Variants in FCRL5 observed in about 807,000 individuals in gnomAD.
FCRL5 encodes the protein Fc receptor-like protein 5.
FCRL5 carries 79 observed loss-of-function variants against 92.1 expected under a neutral mutation model. That is an observed-to-expected ratio of 0.86 (90% CI 0.72 to 1.03). The LOEUF (loss-of-function observed/expected upper bound fraction) is 1.03. Ranked by LOEUF, FCRL5 falls within the 50% of genes least tolerant of loss-of-function variation. The pLI is 0.00. For synonymous variants in FCRL5, 466 were observed against 469.3 expected, an observed-to-expected ratio of 0.99 and a Z score of 0.09; for missense variants, 1,160 against 1,181.1, an observed-to-expected ratio of 0.98 and a Z score of 0.26.
chr1:157,546,689 C>T (rs185472267), intron 3 of FCRL5, among the ~76,000 whole-genome samples: 1 of 152,284 alleles, frequency 6.6e-6, no homozygotes, highest in Non-Finnish European at 1.5e-5. Context: ...TCAAATCAAA[C>T]TTTAAGAACC....
chr1:157,520,503 C>T lies in FCRL5; in HGVS notation c.2560G>A (p.Gly854Arg), dbSNP rs778212017. Residue 854 changes from glycine to arginine, a missense_variant, in exon 12 of 17, where the codon GGG becomes AGG. Gly to Arg is a moderately radical substitution (Grantham distance 125). Transcript: ENST00000361835. ...AGGCCTGCTATGCTGAGCAGGCCCCCGGCGACTCCTGTGGCAAAAGGGCCA... is the reference window on the plus strand; with the variant it reads ...AGGCCTGCTATGCTGAGCAGGCCCCTGGCGACTCCTGTGGCAAAAGGGCCA... ...RSGPFATGVA[G>R]GLLSIAGLAA... 1 of 1,575,786 alleles carries T rather than the reference C, an allele frequency of 6.3e-7. No individual in the cohort carries two copies. Among genetic ancestry groups the T allele is most frequent in the South Asian group, 1.2e-5 (1 of 85,724 alleles).
intron 15 of FCRL5, chr1:157,516,193 G>A: frequency 6.8e-6 from 3 of 443,290 alleles, no homozygotes; most frequent in East Asian, 8.8e-5. Flanking sequence ...GTTCTGGGAA[G>A]GTGTGGTGGG....
intron 10 of FCRL5, 120 bp downstream of exon 10, chr1:157,524,159 T>C: frequency 3.0e-6 from 3 of 1,004,890 alleles, no homozygotes; most frequent in African/African-American, 1.6e-5. Context: ...AGGCAGGAAG[T>C]GTGCTGGGAT....
chr1:157,516,442 T>C (rs1649937049), intron 15 of FCRL5, among the ~76,000 whole-genome samples: 1 of 152,234 alleles, frequency 6.6e-6, no homozygotes, highest in Non-Finnish European at 1.5e-5. Flanking sequence ...ATTTCTATCA[T>C]CTGTCATGTA....
intron 3 of FCRL5, 136 bp from the exon 4 acceptor site, chr1:157,545,218 T>G: frequency 1.8e-6 from 2 of 1,094,988 alleles, no homozygotes; most frequent in South Asian, 3.4e-5. Context: ...TTTCTTTTTT[T>G]CTGATTTAAA....
chr1:157,524,108 C>G, intron 10 of FCRL5, 171 bp downstream of exon 10: 1 of 623,550 alleles, frequency 1.6e-6, no homozygotes, highest in Non-Finnish European at 2.8e-6. Flanking sequence ...TTCCTGGAAC[C>G]ATACCACAAA....
At chr1:157,526,804 T>A (rs4971127) in intron 9 of FCRL5, among the ~76,000 whole-genome samples, 1 of 151,646 alleles carries the variant, frequency 6.6e-6, no homozygotes, top group South Asian at 2.1e-4. Flanking sequence ...ACAATAGTGA[T>A]AGGAGGAGCT....
At chr1:157,530,212 C>T (rs189434836) in intron 8 of FCRL5, among the ~76,000 whole-genome samples, 1 of 152,232 alleles carries the variant, frequency 6.6e-6, no homozygotes, top group African/African-American at 2.4e-5. Flanking sequence ...GCTTTTTCCC[C>T]TTAGCTATAT....
At chr1:157,540,061 T>G (rs778420166) in intron 6 of FCRL5, among the ~76,000 whole-genome samples, 1 of 152,208 alleles carries the variant, frequency 6.6e-6, no homozygotes, top group Non-Finnish European at 1.5e-5. Context: ...CTGTCTCAGA[T>G]AGTTTTTGGT....
intron 1 of FCRL5, 133 bp from the exon 2 acceptor site, chr1:157,549,713 T>C (rs1402955282): frequency 3.2e-6 from 2 of 630,018 alleles, no homozygotes; most frequent in Non-Finnish European, 5.4e-6. Flanking sequence ...TAATAATTAT[T>C]CATCAAATGT....
At chr1:157,538,936 T>C (rs77241354) in intron 7 of FCRL5, 150 bp downstream of exon 7, 30,849 of 845,866 alleles carry the variant, frequency 0.036, 694 homozygotes, top group Admixed American at 0.05. Context: ...GGCAGACAGC[T>C]GGTTCAGTGA....
chr1:157,548,735 A>G (rs900562372), intron 2 of FCRL5, among the ~76,000 whole-genome samples: 1 of 152,256 alleles, frequency 6.6e-6, no homozygotes, highest in South Asian at 2.1e-4. Flanking sequence ...CCACAATGAG[A>G]TACCATATCA....
In FCRL5 at chr1:157,547,190, T is replaced by C; in HGVS notation, c.60A>G (p.Thr20=). 1.2e-6 allele frequency: 2 copies of C among 1,613,620 alleles called. No homozygotes were observed. Among genetic ancestry groups the C allele is most frequent in the East Asian group, 4.5e-5 (2 of 44,866 alleles). ...LAPVSGQFAR[T]PRPIIFLQPP... is the part of the protein sequence containing the mutation. ...GCTGGAGGAAAATAATGGGCCTGGG[T>C]GTCCTTGCTGAAGAGGAAAGAGAAA... is the stretch of plus-strand genomic sequence containing the variant. Residue 20 remains threonine (T), a synonymous_variant, in exon 3 of 17, where the codon ACA becomes ACG. Transcript: ENST00000361835.
At chr1:157,518,883 G>T in intron 13 of FCRL5, 101 bp from the exon 14 acceptor site, 1 of 857,670 alleles carries the variant, frequency 1.2e-6, no homozygotes, top group Non-Finnish European at 1.8e-6. Flanking sequence ...TGGCTGCCAG[G>T]CCTGGAAACA....
chr1:157,534,540 A>C, intron 8 of FCRL5, 74 bp downstream of exon 8: 1 of 1,578,012 alleles, frequency 6.3e-7, no homozygotes, highest in Non-Finnish European at 8.7e-7. Flanking sequence ...TGGACAGTGC[A>C]AACAGATTTT....
chr1:157,528,750 C>G (rs1571086262), intron 8 of FCRL5: 2 of 152,186 alleles, frequency 1.3e-5, no homozygotes, highest in Non-Finnish European at 2.9e-5. Flanking sequence ...GCATCATTGA[C>G]AAGCCACATG....
In FCRL5 at chr1:157,518,732, G is replaced by C; in HGVS notation, c.2711C>G (p.Ala904Gly). ...SQEPTYHNVP[A>G]WEELQPVYTN... ...GTACACTGGTTGCAGCTCTTCCCAG[G>C]CTGGTACATTGTGATAGGTGGGCTC... is the stretch of plus-strand genomic sequence containing the variant. Residue 904 changes from alanine (A) to glycine (G), a missense_variant, in exon 14 of 17, where the codon GCC (alanine) becomes GGC (glycine). By Grantham distance (60) the Ala-to-Gly change is moderately conservative. Transcript: ENST00000361835. 5 of 1,613,542 alleles carry C rather than the reference G, an allele frequency of 3.1e-6. No homozygotes were observed. Among genetic ancestry groups the C allele is most frequent in the Non-Finnish European group, 2.5e-6 (3 of 1,179,930 alleles).
Position 157,539,165 on chromosome 1 carries a change from C to T in FCRL5, c.1323G>A (p.Glu441=), listed in dbSNP as rs1304992960. The T allele has an allele frequency of 1.9e-6, 3 of 1,614,190 alleles. No individual in the cohort carries two copies. In the Admixed American group the frequency reaches 5.0e-5, roughly 27 times the overall value. Reference sequence around the variant, plus strand: ...CTGTGCAGTAGTAGTTCCCTGAATGCTCTGCAGTCAGAGAGAAGCTGATGG... The same window carrying T: ...CTGTGCAGTAGTAGTTCCCTGAATGTTCTGCAGTCAGAGAGAAGCTGATGG... ...GVAISFSLTA[E]HSGNYYCTAD... Residue 441 remains glutamate, a synonymous_variant, in exon 7 of 17, where the codon GAG becomes GAA. Transcript: ENST00000361835.
In FCRL5 at chr1:157,520,551, AG is replaced by A; in HGVS notation, c.2516-5del. ...CCACTTCTGTTCGCGGTCAGCCCTGAGGGGGAGACCCTGTGTGTGAGCCAGA... is the reference window on the plus strand; with the variant it reads ...CCACTTCTGTTCGCGGTCAGCCCTGAGGGGAGACCCTGTGTGTGAGCCAGA... On this transcript the variant is annotated splice_polypyrimidine_tract_variant and splice_region_variant and intron_variant, in intron 11 of 16. Transcript: ENST00000361835. 2 of 1,581,262 alleles carry A rather than the reference AG, an allele frequency of 1.3e-6. No individual in the cohort carries two copies. The highest frequency in any genetic ancestry group is 8.6e-7 in the Non-Finnish European group (1 of 1,162,870).
Sources: gnomAD v4.1 joint callset for allele counts (sites outside exome capture counted in the v4.1 genomes callset) on GRCh38, gnomAD v4.1.1 for gene constraint, MANE v1.5 for transcripts, NCBI Gene and HGNC (gene_info 2026-07-23, HGNC 2026-07-21) for gene names.